The following PATZ1 variants were observed in gnomAD, a reference collection of about 807,000 sequenced individuals.
PATZ1 encodes the protein POZ-, AT hook-, and zinc finger-containing protein 1.
PATZ1 carries 9 observed loss-of-function variants against 46.2 expected under a neutral mutation model. The ratio of observed to expected loss-of-function variants is 0.19; its 90% CI spans 0.12 to 0.34. The LOEUF is 0.34. Among genes scored for constraint, PATZ1 ranks in the 10% least tolerant of loss-of-function variants. The probability of loss-of-function intolerance (pLI) is 1.00; values close to 1 mark genes in which losing one functional copy is unlikely to be tolerated. For synonymous variants in PATZ1, 426 were observed against 378.6 expected, an observed-to-expected ratio of 1.13 and a Z score of -1.45; for missense variants, 632 against 923.0, an observed-to-expected ratio of 0.68 and a Z score of 4.08.
At chr22:31,333,764 G>T (rs1472067852) in intron 3 of PATZ1, among the ~76,000 whole-genome samples, 1 of 152,210 alleles carries the variant, frequency 6.6e-6, no homozygotes, top group African/African-American at 2.4e-5. Context: ...TTCCGGTCAT[G>T]TAGCTTATGG....
At position 31,326,900 on chromosome 22, in the gene PATZ1, T is replaced by A. The variant is rs2240424; in HGVS notation, c.2055A>T (p.Glu685Asp). The change falls in exon 5 of 5, where the codon GAA (glutamate) becomes GAT (aspartate). Residue 685 changes from glutamate to aspartate, a missense_variant. Glu to Asp is a conservative substitution (Grantham distance 45, BLOSUM62 2). Transcript: ENST00000266269. Reference sequence around the variant, plus strand: ...GGACACAGCAGCTGCCTCATTTCCCTTCAGGCCCCATGGGCTGCTGGTCAA... The same window carrying A: ...GGACACAGCAGCTGCCTCATTTCCCATCAGGCCCCATGGGCTGCTGGTCAA... ...PEVDQQPMGPEGK is the reference protein window; with the variant it reads ...PEVDQQPMGPDGK 1 of 1,611,832 alleles carries A rather than the reference T, an allele frequency of 6.2e-7. No individual in the cohort carries two copies. Among genetic ancestry groups the A allele is most frequent in the African/African-American group, 1.3e-5 (1 of 74,900 alleles).
At position 31,345,715 on chromosome 22, in the gene PATZ1, G is replaced by T; in HGVS notation, c.-113C>A. The T allele has an allele frequency of 9.2e-7, 1 of 1,083,746 alleles. No homozygotes were observed. Among genetic ancestry groups the T allele is most frequent in the Non-Finnish European group, 1.3e-6 (1 of 779,652 alleles). 67.1% of individuals were successfully genotyped at this position (1,083,746 alleles called of 1,614,324 possible). On this transcript the variant is annotated 5_prime_UTR_variant, in exon 1 of 5. Transcript: ENST00000266269. This position sits in a 1 kb window ranked among gnomAD's most constrained non-coding sequence, Gnocchi z 7.4. The stretch of plus-strand genomic sequence containing the variant: ...GTGTCCACACTCCCCACACGTGCCG[G>T]CCCGAGGCTCTGTAGTCTCGCAGGT...
rs746577638 is a variant in PATZ1, at chr22:31,327,054, C to G, written c.1901G>C (p.Gly634Ala). The G allele has an allele frequency of 3.1e-6, 5 of 1,614,010 alleles. No homozygotes were observed. The African/African-American group carries it at 4.0e-5, about 13-fold the overall frequency. ...GGCAGGGCCCAGGTCCCCCAGGGGG[C>G]CCCCGAGAGCCCGGACATGCACCTT... ...IQKVHVRALG[G>A]PLGDLGPALG... The change falls in exon 5 of 5, where the codon GGC (glycine) becomes GCC (alanine). Residue 634 changes from glycine to alanine, a missense_variant. This residue lies in a region of PATZ1 where 176 missense variants were observed against 249.4 expected (regional missense o/e 0.71). Transcript: ENST00000266269. This position sits in a 1 kb window ranked among gnomAD's most constrained non-coding sequence, Gnocchi z 4.2.
chr22:31,339,146 G>A (rs1468846260), intron 2 of PATZ1, among the ~76,000 whole-genome samples: 1 of 152,202 alleles, frequency 6.6e-6, no homozygotes, highest in Non-Finnish European at 1.5e-5. Flanking sequence ...TCCATTTGGG[G>A]ATTAGCTAAG....
Position 31,344,369 on chromosome 22 carries a change from G to A in PATZ1, c.1234C>T (p.Pro412Ser). Residue 412 changes from proline (P) to serine (S), a missense_variant, in exon 1 of 5, where the codon CCT becomes TCT. Coordinates refer to ENST00000266269, the MANE Select transcript of PATZ1 (RefSeq NM_014323.3). The part of the protein sequence containing the change: ...VRSHDGSVGK[P>S]YICQSCGKGF... ...TTCCCACAGCTCTGGCAGATGTAAGGCTTGCCCACGGACCCATCATGGGAC... is the reference window on the plus strand; with the variant it reads ...TTCCCACAGCTCTGGCAGATGTAAGACTTGCCCACGGACCCATCATGGGAC... 1 of 1,613,434 alleles carries A rather than the reference G, an allele frequency of 6.2e-7. No homozygotes were observed. Among genetic ancestry groups the A allele is most frequent in the Non-Finnish European group, 8.5e-7 (1 of 1,179,612 alleles).
chr22:31,341,015 G>A (rs1484049693), intron 2 of PATZ1: 6 of 1,077,366 alleles, frequency 5.6e-6, no homozygotes, highest in African/African-American at 3.3e-5. Flanking sequence ...GTGGGGAAAG[G>A]GGTGGCCAGG....
rs139539586 is a variant in PATZ1, at chr22:31,338,038, A to T, written c.1336-2175T>A. 38 of 152,354 alleles carry T rather than the reference A, an allele frequency of 2.5e-4. No individual in the cohort carries two copies. The East Asian group carries it at 7.1e-3, about 29-fold the overall frequency. 9.4% of individuals were successfully genotyped at this position (152,354 alleles called of 1,614,324 possible). On this transcript the variant is annotated intron_variant, in intron 2 of 4. Transcript: ENST00000266269. ...TGAACTGAATTTGTAGCAATGACAT[A>T]CTGCTTTTATCTGTTTTATATATTC...
intron 2 of PATZ1, among the ~76,000 whole-genome samples, chr22:31,337,142 G>A (rs2049522022): frequency 6.6e-6 from 1 of 152,138 alleles, no homozygotes; most frequent in Non-Finnish European, 1.5e-5. Flanking sequence ...ACGTTAAGCT[G>A]GGGAAGTGCT....
rs749719630 is a variant in PATZ1 at position 31,342,973 on chromosome 22, G to A, written c.1272-13C>T. 7 of 1,613,720 alleles carry A rather than the reference G, an allele frequency of 4.3e-6. No individual in the cohort carries two copies. In the South Asian group the frequency reaches 5.5e-5, roughly 13 times the overall value. On this transcript the variant is annotated splice_polypyrimidine_tract_variant and intron_variant, in intron 1 of 4. Coordinates refer to ENST00000266269, the MANE Select transcript of PATZ1 (RefSeq NM_014323.3). Reference sequence around the variant, plus strand: ...CAAGTGATCAGGCCTGGAAAAGAGAGAACCAAGAGGGACTTTAGAAACTTG... The same window carrying A: ...CAAGTGATCAGGCCTGGAAAAGAGAAAACCAAGAGGGACTTTAGAAACTTG...
chr22:31,341,954 A>G (rs930756498), intron 2 of PATZ1, among the ~76,000 whole-genome samples: 2 of 152,182 alleles, frequency 1.3e-5, no homozygotes, highest in Non-Finnish European at 2.9e-5. Flanking sequence ...GCTCTGCCCT[A>G]CTTACGGCAC....
intron 3 of PATZ1, among the ~76,000 whole-genome samples, chr22:31,333,393 G>A (rs571037038): frequency 6.6e-5 from 10 of 152,118 alleles, no homozygotes; most frequent in African/African-American, 2.2e-4. Flanking sequence ...GTGGCAGCAG[G>A]GCAAAGGAGG....
Position 31,327,607 on chromosome 22 carries a change from A to AC in PATZ1, c.1646-299dup, listed in dbSNP as rs1330770170. Among the ~76,000 whole-genome samples the AC allele has an allele frequency of 6.6e-6, 1 of 152,066 alleles. No individual in the cohort carries two copies. Among genetic ancestry groups the AC allele is most frequent in the African/African-American group, 2.4e-5 (1 of 41,402 alleles). On this transcript the variant is annotated intron_variant, in intron 4 of 4. Coordinates refer to ENST00000266269, the MANE Select transcript of PATZ1 (RefSeq NM_014323.3). This position sits in a 1 kb window ranked among gnomAD's most constrained non-coding sequence, Gnocchi z 4.2. ...TCAAGGAAGGGATACAGAGAGGGCA[A>AC]CTCTGCTACAGCTGCCCAGAACAAC...
At chr22:31,331,670 G>C (rs1332516968) in intron 3 of PATZ1, among the ~76,000 whole-genome samples, 1 of 152,102 alleles carries the variant, frequency 6.6e-6, no homozygotes. Context: ...CCCTTGTGGG[G>C]TCTCTAAAAT....
intron 3 of PATZ1, among the ~76,000 whole-genome samples, chr22:31,333,302 G>C (rs2049465395): frequency 6.6e-6 from 1 of 152,174 alleles, no homozygotes; most frequent in South Asian, 2.1e-4. Flanking sequence ...TAACTGTTCT[G>C]ACATTCAGCC....
intron 1 of PATZ1, 48 bp from the exon 2 acceptor site, chr22:31,343,008 C>T (rs370553027): frequency 6.2e-7 from 1 of 1,612,572 alleles, no homozygotes; most frequent in South Asian, 1.1e-5. Context: ...GGCCAGACCC[C>T]ACCACACAGG....
In PATZ1 at chr22:31,326,992, G is replaced by A; in HGVS notation, c.1963C>T (p.Leu655Phe). ...ATCTGAAACCCAAAGGACTCGAGGA[G>A]AGACATGTTCTGCTGAGGAGAGAAA... ...SPFSPQQNMSLLESFGFQIVQ... is the reference protein window; with the variant it reads ...SPFSPQQNMSFLESFGFQIVQ... Residue 655 changes from leucine (L) to phenylalanine (F), a missense_variant, in exon 5 of 5, where the codon CTC (leucine) becomes TTC (phenylalanine). Physicochemically the swap from Leu to Phe is conservative, Grantham distance 22. This residue lies in a region of PATZ1 where 176 missense variants were observed against 249.4 expected (regional missense o/e 0.71). Transcript: ENST00000266269. 1 of 1,614,226 alleles carries A rather than the reference G, an allele frequency of 6.2e-7. No individual in the cohort carries two copies. Among genetic ancestry groups the A allele is most frequent in the Non-Finnish European group, 8.5e-7 (1 of 1,180,026 alleles).
At position 31,345,320 on chromosome 22, in the gene PATZ1, C is replaced by T. The variant is rs2049638559; in HGVS notation, c.283G>A (p.Gly95Ser). The change falls in exon 1 of 5, where the codon GGC becomes AGC. Residue 95 changes from glycine (G) to serine (S), a missense_variant. This residue lies in a region of PATZ1 where 62 missense variants were observed against 67.9 expected (regional missense o/e 0.91). Coordinates refer to ENST00000266269, the MANE Select transcript of PATZ1 (RefSeq NM_014323.3). This position sits in a 1 kb window ranked among gnomAD's most constrained non-coding sequence, Gnocchi z 7.4. ...ADVGGATAAP[G>S]GGAGGSRELE... is the part of the protein sequence containing the mutation. ...TCCCGGCTGCCCCCGGCCCCGCCGC[C>T]TGGTGCTGCCGTCGCGCCCCCTACA... The T allele has an allele frequency of 3.1e-6, 5 of 1,610,646 alleles. No individual in the cohort carries two copies. The East Asian group carries it at 1.1e-4, about 36-fold the overall frequency.
At chr22:31,343,777 C>A (rs947244770) in intron 1 of PATZ1, among the ~76,000 whole-genome samples, 6 of 152,216 alleles carry the variant, frequency 3.9e-5, no homozygotes, top group Non-Finnish European at 8.8e-5. Context: ...CAGATCAAAG[C>A]TTTTGGTGTT....
At chr22:31,339,191 C>T (rs368252171) in intron 2 of PATZ1, among the ~76,000 whole-genome samples, 47 of 152,224 alleles carry the variant, frequency 3.1e-4, no homozygotes, top group African/African-American at 1.0e-3. Flanking sequence ...TGGCTTCCCC[C>T]ACCCTGTCCT....
Sources: gnomAD v4.1 joint callset for allele counts (sites outside exome capture counted in the v4.1 genomes callset) on GRCh38, gnomAD v4.1.1 for gene constraint, gnomAD v4.1.1 regional missense constraint, Gnocchi (gnomAD v3.1) non-coding constraint, MANE v1.5 for transcripts, NCBI Gene and HGNC (gene_info 2026-07-23, HGNC 2026-07-21) for gene names.